The following PDE5A variants were observed in gnomAD, a reference collection of about 807,000 sequenced individuals.
PDE5A encodes phosphodiesterase 5A.
A neutral mutation model predicts 110.2 loss-of-function variants in PDE5A; 67 were observed. The observed-to-expected ratio is 0.61, with a 90% CI of 0.50 to 0.75. The LOEUF is 0.75. Ranked by LOEUF, PDE5A falls within the 30% of genes least tolerant of loss-of-function variation. The pLI is 0.00. For synonymous variants in PDE5A, 328 were observed against 351.2 expected, an observed-to-expected ratio of 0.93 and a Z score of 0.74; for missense variants, 862 against 1,045.1, an observed-to-expected ratio of 0.82 and a Z score of 2.42.
At chr4:119,625,730 TA>T (rs912648411) in intron 1 of PDE5A, among the ~76,000 whole-genome samples, 9 of 150,524 alleles carry the variant, frequency 6.0e-5, no homozygotes, top group East Asian at 1.9e-4. Context: ...CTCCTACTTT[TA>T]AAAAAAAAAA....
At chr4:119,515,585 C>G (rs576382873) in intron 14 of PDE5A, among the ~76,000 whole-genome samples, 250 of 152,262 alleles carry the variant, frequency 1.6e-3, no homozygotes, top group African/African-American at 5.3e-3. Flanking sequence ...TGCCAACCCT[C>G]TCTCTCAGTG....
intron 11 of PDE5A, among the ~76,000 whole-genome samples, chr4:119,529,026 T>C (rs983602740): frequency 6.6e-6 from 1 of 152,120 alleles, no homozygotes; most frequent in African/African-American, 2.4e-5. Flanking sequence ...TGGGTTAAAG[T>C]AGTGGAGGGT....
intron 11 of PDE5A, among the ~76,000 whole-genome samples, chr4:119,532,626 G>A (rs573196470): frequency 6.6e-6 from 1 of 152,190 alleles, no homozygotes; most frequent in East Asian, 1.9e-4. Flanking sequence ...TTTATAAAAT[G>A]TATGGTCTCC....
intron 17 of PDE5A, 92 bp from the exon 18 acceptor site, chr4:119,504,691 C>G: frequency 1.1e-6 from 1 of 950,662 alleles, no homozygotes; most frequent in Non-Finnish European, 1.6e-6. Context: ...AAAGTTAAAA[C>G]CCTCTAAACA....
Position 119,627,111 on chromosome 4 carries a change from A to G in PDE5A, c.152+1409T>C, listed in dbSNP as rs1295137517. 4 of 1,608,476 alleles carry G rather than the reference A, an allele frequency of 2.5e-6. No homozygotes were observed. In the Admixed American group the frequency reaches 5.1e-5, roughly 20 times the overall value. On this transcript the variant is annotated intron_variant, in intron 1 of 20. Transcript: ENST00000354960. This position sits in a 1 kb window ranked among gnomAD's most constrained non-coding sequence, Gnocchi z 4.6. ...CCCGAGACCCGCCGCGCCCCCGGAA[A>G]AAGTGGGAAGGGACGTAGGGGGATG... is the stretch of plus-strand genomic sequence containing the variant.
chr4:119,610,377 G>A (rs993234126), intron 1 of PDE5A, among the ~76,000 whole-genome samples: 1 of 152,200 alleles, frequency 6.6e-6, no homozygotes, highest in African/African-American at 2.4e-5. Context: ...CATATCTGAT[G>A]TGATTTTAAA....
At chr4:119,608,987 C>T (rs962435354) in intron 1 of PDE5A, among the ~76,000 whole-genome samples, 1 of 151,772 alleles carries the variant, frequency 6.6e-6, no homozygotes, top group African/African-American at 2.4e-5. Flanking sequence ...GGTGAAACCC[C>T]GTCTCTACTA....
rs765677295 is a variant in PDE5A at position 119,542,508 on chromosome 4, A to G, written c.1523T>C (p.Met508Thr). The stretch of plus-strand genomic sequence containing the variant: ...CATGGCTCTCTCCACTGCTTCATAC[A>G]TCTGCGTGTTCTGGATCCCCAAGCC... ...FCGLGIQNTQMYEAVERAMAK... is the reference protein window; with the variant it reads ...FCGLGIQNTQTYEAVERAMAK... Residue 508 changes from methionine to threonine, a missense_variant, in exon 10 of 21, where the codon ATG becomes ACG. By Grantham distance (81) the Met-to-Thr change is moderately conservative. Transcript: ENST00000354960. 1.9e-6 allele frequency: 3 copies of G among 1,613,862 alleles called. No individual in the cohort carries two copies. The highest frequency in any genetic ancestry group is 2.2e-5 in the East Asian group (1 of 44,878).
intron 11 of PDE5A, among the ~76,000 whole-genome samples, chr4:119,532,221 AC>A (rs1189370638): frequency 6.6e-6 from 1 of 152,138 alleles, no homozygotes; most frequent in African/African-American, 2.4e-5. Context: ...AAACACATAA[AC>A]CAAGTTCATG....
At chr4:119,520,245 G>C (rs1726075466) in intron 13 of PDE5A, among the ~76,000 whole-genome samples, 2 of 151,984 alleles carry the variant, frequency 1.3e-5, no homozygotes, top group Admixed American at 1.3e-4. Flanking sequence ...TTTACAAAAA[G>C]AAAAAGGCAG....
intron 4 of PDE5A, among the ~76,000 whole-genome samples, chr4:119,566,582 A>G (rs149180072): frequency 2.5e-3 from 381 of 152,294 alleles, no homozygotes; most frequent in African/African-American, 9.0e-3. Context: ...CTCTGAAGCT[A>G]AATTTACATC....
chr4:119,581,763 G>A (rs1011251277), intron 3 of PDE5A, among the ~76,000 whole-genome samples: 13 of 152,178 alleles, frequency 8.5e-5, no homozygotes, highest in Admixed American at 2.0e-4. Flanking sequence ...GCAATAAAGC[G>A]AGTTACACAG....
At chr4:119,529,900 T>C (rs1726470582) in intron 11 of PDE5A, among the ~76,000 whole-genome samples, 1 of 152,112 alleles carries the variant, frequency 6.6e-6, no homozygotes, top group Non-Finnish European at 1.5e-5. Flanking sequence ...TTCTCAAAGT[T>C]AAGTTCCTGG....
At position 119,494,628 on chromosome 4, in the gene PDE5A, A is replaced by G. The variant is rs1724996633; in HGVS notation, c.*3973T>C. 6.6e-6 allele frequency: 1 copy of G among 152,588 alleles called. No homozygotes were observed. Among genetic ancestry groups the G allele is most frequent in the Admixed American group, 6.6e-5 (1 of 15,254 alleles). The allele number at this position is 152,588 out of a possible 1,614,324, so 9.5% of individuals were successfully genotyped here. ...AAATCAACATTCATGGTTATTTAAA[A>G]TGCCTTAAAAGCTAAGCATAATATA... On this transcript the variant is annotated 3_prime_UTR_variant, in exon 21 of 21. Coordinates refer to ENST00000354960, the MANE Select transcript of PDE5A (RefSeq NM_001083.4).
chr4:119,611,124 C>T (rs1382093159), intron 1 of PDE5A, among the ~76,000 whole-genome samples: 1 of 152,220 alleles, frequency 6.6e-6, no homozygotes, highest in Non-Finnish European at 1.5e-5. Context: ...GGCTGATCCA[C>T]TTCCACATCC....
chr4:119,528,498 C>A (rs1285024145), intron 11 of PDE5A, among the ~76,000 whole-genome samples: 1 of 152,062 alleles, frequency 6.6e-6, no homozygotes, highest in Non-Finnish European at 1.5e-5. Context: ...ACCATATTTA[C>A]ATTTCAGCAT....
intron 14 of PDE5A, among the ~76,000 whole-genome samples, chr4:119,513,496 T>C (rs542472131): frequency 1.3e-5 from 2 of 152,250 alleles, no homozygotes; most frequent in African/African-American, 4.8e-5. Context: ...GGGGTCATAT[T>C]CACAAATAGC....
chr4:119,575,450 C>A (rs1455539795), intron 3 of PDE5A, among the ~76,000 whole-genome samples: 2 of 152,158 alleles, frequency 1.3e-5, no homozygotes, highest in African/African-American at 4.8e-5. Context: ...GGTTGGGTTA[C>A]CCACAAAGGG....
At chr4:119,517,518 G>A (rs1434839580) in intron 14 of PDE5A, among the ~76,000 whole-genome samples, 1 of 147,032 alleles carries the variant, frequency 6.8e-6, no homozygotes, top group African/African-American at 2.5e-5. Context: ...TTTTTTTAAA[G>A]TTGAAGTCTG....
Sources: gnomAD v4.1 joint callset for allele counts (sites outside exome capture counted in the v4.1 genomes callset) on GRCh38, gnomAD v4.1.1 for gene constraint, Gnocchi (gnomAD v3.1) non-coding constraint, MANE v1.5 for transcripts, NCBI Gene and HGNC (gene_info 2026-07-23, HGNC 2026-07-21) for gene names.